The following CAST variants were observed in gnomAD, a reference collection of about 807,000 sequenced individuals.
The protein encoded by CAST is calpastatin, also known as MIR583 host.
In CAST, 76 loss-of-function variants were observed where a neutral mutation model predicts 119.6. The ratio of observed to expected loss-of-function variants is 0.64; its 90% confidence interval spans 0.53 to 0.77. The LOEUF (loss-of-function observed/expected upper bound fraction) is 0.77. Among genes scored for constraint, CAST ranks in the 30% least tolerant of loss-of-function variants. The pLI, the probability that CAST is intolerant of heterozygous loss-of-function variation, is 0.00. For synonymous variants in CAST, 319 were observed against 331.6 expected (o/e 0.96, Z 0.41); for missense variants, 953 against 946.5 (o/e 1.01, Z -0.09).
At chr5:96,589,925 T>C (rs560103057) in intron 1 of CAST, among the ~76,000 whole-genome samples, 1 of 152,292 alleles carries the variant, frequency 6.6e-6, no homozygotes, top group Admixed American at 6.5e-5. Context: ...TAAAATAGGC[T>C]TTAGAGGGTT....
chr5:95,964,974 C>T, the CAST span: 4 of 152,388 alleles, frequency 2.6e-5, no homozygotes, highest in Admixed American at 6.5e-5. Context: ...CCTTCTCTGG[C>T]ATTCAAATGC....
intron 9 of CAST, among the ~76,000 whole-genome samples, chr5:96,733,475 C>T (rs995983110): frequency 9.2e-5 from 14 of 152,118 alleles, no homozygotes; most frequent in African/African-American, 3.1e-4. Flanking sequence ...TAAGTGAAAA[C>T]TAAACAATAA....
chr5:96,122,011 C>T, the CAST span, among the ~76,000 whole-genome samples: 3 of 152,068 alleles, frequency 2.0e-5, no homozygotes, highest in East Asian at 5.8e-4. Flanking sequence ...TCTTTTTCCA[C>T]TGCAAAATTG....
At chr5:96,534,689 A>AGGCG (rs1745750258) in intron 1 of CAST, among the ~76,000 whole-genome samples, 1 of 83,526 alleles carries the variant, frequency 1.2e-5, no homozygotes, top group Non-Finnish European at 2.3e-5. Flanking sequence ...AGAGAGAGAG[A>AGGCG]GGAAGGAAGG....
the CAST span, among the ~76,000 whole-genome samples, chr5:95,974,903 C>G: frequency 6.6e-6 from 1 of 152,112 alleles, no homozygotes; most frequent in Admixed American, 6.5e-5. Flanking sequence ...GCAAAATTAA[C>G]ATTGTCCTTA....
In CAST at chr5:96,757,637, C is replaced by A; in HGVS notation, c.1816C>A (p.Gln606Lys). The A allele has an allele frequency of 1.3e-6, 2 of 1,598,148 alleles. No homozygotes were observed. Among genetic ancestry groups the A allele is most frequent in the Non-Finnish European group, 1.7e-6 (2 of 1,166,050 alleles). The change falls in exon 24 of 32, where the codon CAA becomes AAA. Residue 606 changes from glutamine to lysine, a missense_variant. Coordinates refer to ENST00000675179, the MANE Select transcript of CAST (RefSeq NM_001750.7). ...TTTGTCTGAGGACTTCTCTGGTCCA[C>A]AAAATGCTTCATCTCTTGTAAGTCC... ...DALSEDFSGP[Q>K]NASSLKFEDA... is the part of the protein sequence containing the mutation.
chr5:96,058,343 A>G, the CAST span, among the ~76,000 whole-genome samples: 1 of 152,156 alleles, frequency 6.6e-6, no homozygotes, highest in Non-Finnish European at 1.5e-5. Flanking sequence ...CCAGCTCTAG[A>G]GATTCCCAGT....
At chr5:96,378,205 T>C in the CAST span, among the ~76,000 whole-genome samples, 4 of 152,088 alleles carry the variant, frequency 2.6e-5, no homozygotes, top group Non-Finnish European at 1.5e-5. Flanking sequence ...TCAAAAGATA[T>C]AAAGTTTCAG....
chr5:96,444,335 C>G, the CAST span, among the ~76,000 whole-genome samples: 10 of 152,154 alleles, frequency 6.6e-5, no homozygotes, highest in African/African-American at 2.4e-4. Context: ...TGTTTGAGAA[C>G]TTGCTACCTG....
chr5:96,162,629 G>A, the CAST span, among the ~76,000 whole-genome samples: 3 of 152,180 alleles, frequency 2.0e-5, no homozygotes, highest in Admixed American at 6.5e-5. Flanking sequence ...TGTTGGCCAG[G>A]CTGATCTCGA....
the CAST span, among the ~76,000 whole-genome samples, chr5:96,426,530 C>T: frequency 4.6e-5 from 7 of 152,190 alleles, no homozygotes; most frequent in African/African-American, 7.2e-5. Context: ...ACCACGCACA[C>T]TTACCATTAA....
At chr5:96,626,712 C>T (rs535698479) in intron 1 of CAST, among the ~76,000 whole-genome samples, 16 of 152,276 alleles carry the variant, frequency 1.1e-4, no homozygotes, top group Admixed American at 7.8e-4. Flanking sequence ...TAATTTTCTT[C>T]ATGACAGTTT....
chr5:96,377,537 A>C, the CAST span, among the ~76,000 whole-genome samples: 1 of 152,188 alleles, frequency 6.6e-6, no homozygotes, highest in Non-Finnish European at 1.5e-5. Flanking sequence ...CAGTATAGTA[A>C]CATATTCTAC....
the CAST span, among the ~76,000 whole-genome samples, chr5:96,025,341 C>A: frequency 2.0e-5 from 3 of 152,042 alleles, no homozygotes; most frequent in African/African-American, 7.2e-5. Context: ...GGATGCAAGT[C>A]CTTTCATGTC....
At chr5:96,223,596 T>G in the CAST span, among the ~76,000 whole-genome samples, 1 of 152,140 alleles carries the variant, frequency 6.6e-6, no homozygotes, top group African/African-American at 2.4e-5. Flanking sequence ...GCACTTAGAC[T>G]TTAGACTTTA....
At chr5:96,734,418 G>A (rs887328842) in intron 9 of CAST, among the ~76,000 whole-genome samples, 4 of 152,220 alleles carry the variant, frequency 2.6e-5, no homozygotes, top group Non-Finnish European at 5.9e-5. Flanking sequence ...GTTGGTCAGG[G>A]ACTGTTTCAG....
At chr5:96,202,932 TAA>T in the CAST span, among the ~76,000 whole-genome samples, 1 of 152,060 alleles carries the variant, frequency 6.6e-6, no homozygotes, top group Admixed American at 6.6e-5. Context: ...TTAAAGATAA[TAA>T]TTTTTATTGA....
intron 1 of CAST, among the ~76,000 whole-genome samples, chr5:96,623,981 G>A (rs962401263): frequency 9.9e-5 from 15 of 152,068 alleles, no homozygotes; most frequent in African/African-American, 3.6e-4. Flanking sequence ...TTATAGGTGG[G>A]AGCCACTGTG....
At chr5:96,343,878 A>G in the CAST span, among the ~76,000 whole-genome samples, 1 of 152,180 alleles carries the variant, frequency 6.6e-6, no homozygotes, top group Non-Finnish European at 1.5e-5. Flanking sequence ...ATGATTCACT[A>G]ATTAACTCTA....
Sources: allele counts gnomAD v4.1 joint callset (sites outside exome capture counted in the v4.1 genomes callset), GRCh38; gene constraint gnomAD v4.1.1; transcripts MANE v1.5; gene names NCBI Gene and HGNC (gene_info 2026-07-23, HGNC 2026-07-21).